Variants in EZH1 observed in about 807,000 individuals in gnomAD.
EZH1 encodes the protein histone-lysine N-methyltransferase EZH1.
Under a neutral mutation model 100.5 loss-of-function variants are expected in EZH1, and 33 were observed. The observed-to-expected ratio is 0.33, with a 90% confidence interval of 0.25 to 0.44. The LOEUF is 0.44. Ranked by LOEUF, EZH1 falls within the 20% of genes least tolerant of loss-of-function variation. The probability of loss-of-function intolerance (pLI) is 1.00; values close to 1 mark genes in which losing one functional copy is unlikely to be tolerated. For missense variants in EZH1, 475 were observed against 928.4 expected, an observed-to-expected ratio of 0.51 and a Z score of 6.35; for synonymous variants, 272 against 313.8, an observed-to-expected ratio of 0.87 and a Z score of 1.41.
intron 16 of EZH1, 98 bp downstream of exon 16, chr17:42,705,909 T>A: frequency 1.6e-6 from 2 of 1,247,678 alleles, no homozygotes; most frequent in South Asian, 3.7e-5. Context: ...CTTTCACATA[T>A]AAAGCCTCAA....
At chr17:42,716,126 A>C (rs1222730460) in intron 10 of EZH1, among the ~76,000 whole-genome samples, 1 of 152,172 alleles carries the variant, frequency 6.6e-6, no homozygotes, top group African/African-American at 2.4e-5. Context: ...AAACAAAACA[A>C]AACACAACAC....
At chr17:42,719,702 A>G (rs1242947775) in intron 7 of EZH1, among the ~76,000 whole-genome samples, 1 of 152,192 alleles carries the variant, frequency 6.6e-6, no homozygotes, top group Non-Finnish European at 1.5e-5. Flanking sequence ...GTGCCACTGC[A>G]CTCCACCTTG....
chr17:42,734,444 G>C (rs1052985953), intron 1 of EZH1, among the ~76,000 whole-genome samples: 3 of 151,618 alleles, frequency 2.0e-5, no homozygotes, highest in Admixed American at 6.6e-5. Flanking sequence ...GTTTCTCCAC[G>C]TATTTGAAAA....
chr17:42,701,237 G>C lies in EZH1; in HGVS notation c.*1295C>G, dbSNP rs1461802920. 2 of 152,752 alleles carry C rather than the reference G, an allele frequency of 1.3e-5. No individual in the cohort carries two copies. Among genetic ancestry groups the C allele is most frequent in the Non-Finnish European group, 2.9e-5 (2 of 68,024 alleles). 9.5% of individuals were successfully genotyped at this position (152,752 alleles called of 1,614,324 possible). On this transcript the variant is annotated 3_prime_UTR_variant, in exon 21 of 21. Coordinates refer to ENST00000428826, the MANE Select transcript of EZH1 (RefSeq NM_001991.5). Reference sequence around the variant, plus strand: ...CCCCCTCCCTCAGGAGTGGGATTTAGGCAGGGACCCTAGAGACCTTAGGCC... The same window carrying C: ...CCCCCTCCCTCAGGAGTGGGATTTACGCAGGGACCCTAGAGACCTTAGGCC...
intron 18 of EZH1, 148 bp from the exon 19 acceptor site, chr17:42,703,968 A>G (rs2143706098): frequency 1.5e-6 from 1 of 667,644 alleles, no homozygotes; most frequent in South Asian, 1.8e-5. Flanking sequence ...AGCAGAGGAA[A>G]GCATGCAGCC....
intron 1 of EZH1, among the ~76,000 whole-genome samples, chr17:42,740,844 C>T (rs1331208077): frequency 1.3e-5 from 2 of 152,192 alleles, no homozygotes; most frequent in African/African-American, 4.8e-5. Context: ...GAATAAAACA[C>T]ACTAAAGGTA....
chr17:42,719,793 GA>G (rs1310062135), intron 7 of EZH1, among the ~76,000 whole-genome samples: 4 of 152,084 alleles, frequency 2.6e-5, no homozygotes, highest in Non-Finnish European at 5.9e-5. Flanking sequence ...GAGGTGAAAA[GA>G]GTGTTCATAG....
rs1468125580 is a variant in EZH1, at chr17:42,701,212, C to A, written c.*1320G>T. On this transcript the variant is annotated 3_prime_UTR_variant, in exon 21 of 21. Coordinates refer to ENST00000428826, the MANE Select transcript of EZH1 (RefSeq NM_001991.5). The stretch of plus-strand genomic sequence containing the variant: ...GGAGAATCTCCCACCCTCTCTTCTT[C>A]CCCCTCCCTCAGGAGTGGGATTTAG... 2 of 152,800 alleles carry A rather than the reference C, an allele frequency of 1.3e-5. No individual in the cohort carries two copies. Among genetic ancestry groups the A allele is most frequent in the Non-Finnish European group, 2.9e-5 (2 of 68,070 alleles). 9.5% of individuals were successfully genotyped at this position (152,800 alleles called of 1,614,324 possible).
At position 42,718,644 on chromosome 17, in the gene EZH1, T is replaced by A; in HGVS notation, c.768-27A>T. The A allele has an allele frequency of 1.9e-6, 3 of 1,612,532 alleles. No homozygotes were observed. Among genetic ancestry groups the A allele is most frequent in the Non-Finnish European group, 2.5e-6 (3 of 1,178,942 alleles). Reference sequence around the variant, plus strand: ...TATTTAAGAAAAGAGAGATAAGAGTTCCTCCGAGGAACTGCCTCCACTGAG... The same window carrying A: ...TATTTAAGAAAAGAGAGATAAGAGTACCTCCGAGGAACTGCCTCCACTGAG... On this transcript the variant is annotated intron_variant, in intron 8 of 20. Coordinates refer to ENST00000428826, the MANE Select transcript of EZH1 (RefSeq NM_001991.5). The surrounding 1 kb of genome is among the most constrained non-coding windows in gnomAD (Gnocchi z 4.2).
chr17:42,733,939 C>CAA lies in EZH1; in HGVS notation c.-102-3023_-102-3022dup, dbSNP rs71157668. Among the ~76,000 whole-genome samples, 437 of 49,586 alleles carry CAA rather than the reference C, an allele frequency of 8.8e-3. 13 individuals carry two copies. The highest frequency in any genetic ancestry group is 0.017 in the African/African-American group (297 of 17,164). 32.5% of individuals were successfully genotyped at this position (49,586 alleles called of 152,430 possible). A position where few individuals can be genotyped will look rare whatever the true frequency, so the allele number is the denominator to read the frequency against. On this transcript the variant is annotated intron_variant, in intron 1 of 20. Transcript: ENST00000428826. ...CTGGTGACAGAGCGAGACTCCATCT[C>CAA]AAAAAAAAAAAAAAAAAAAAAATCA...
Position 42,718,263 on chromosome 17 carries a change from T to G in EZH1, c.931+191A>C. ...AAGAGGTACTGAGGGACAGATAAGT[T>G]GCTAGTTAGTCTGTCCCTATCATGC... On this transcript the variant is annotated intron_variant, in intron 9 of 20. Coordinates refer to ENST00000428826, the MANE Select transcript of EZH1 (RefSeq NM_001991.5). This position sits in a 1 kb window ranked among gnomAD's most constrained non-coding sequence, Gnocchi z 4.2. 1 of 845,234 alleles carries G rather than the reference T, an allele frequency of 1.2e-6. No homozygotes were observed. The highest frequency in any genetic ancestry group is 2.7e-5 in the East Asian group (1 of 37,654). 52.4% of individuals were successfully genotyped at this position (845,234 alleles called of 1,614,324 possible).
intron 11 of EZH1, 25 bp downstream of exon 11, chr17:42,713,184 A>C (rs1176123176): frequency 4.4e-6 from 7 of 1,608,148 alleles, no homozygotes; most frequent in African/African-American, 1.3e-5. Context: ...GGAAAGAAAA[A>C]GTCTTCATTT....
chr17:42,729,502 G>A (rs539612344), intron 2 of EZH1, among the ~76,000 whole-genome samples: 2 of 152,156 alleles, frequency 1.3e-5, no homozygotes, highest in Non-Finnish European at 2.9e-5. Flanking sequence ...GCCAAGGTGG[G>A]TGGATCTTCT....
At chr17:42,713,124 G>T in intron 11 of EZH1, 85 bp downstream of exon 11, 3 of 1,220,034 alleles carry the variant, frequency 2.5e-6, no homozygotes, top group Non-Finnish European at 3.5e-6. Flanking sequence ...TTAAGAGGTA[G>T]TAAAGTTAAG....
rs985136302 is a variant in EZH1, at chr17:42,701,428, C to T, written c.*1104G>A. ...TGTGCCCTGCACACGGGGTGCCAGCCTAAACGCGTGCAATTTAGCCCCTCA... is the reference window on the plus strand; with the variant it reads ...TGTGCCCTGCACACGGGGTGCCAGCTTAAACGCGTGCAATTTAGCCCCTCA... On this transcript the variant is annotated 3_prime_UTR_variant, in exon 21 of 21. Coordinates refer to ENST00000428826, the MANE Select transcript of EZH1 (RefSeq NM_001991.5). The T allele has an allele frequency of 9.8e-5, 15 of 152,882 alleles. No individual in the cohort carries two copies. Among genetic ancestry groups the T allele is most frequent in the Non-Finnish European group, 2.2e-4 (15 of 68,082 alleles). 9.5% of individuals were successfully genotyped at this position (152,882 alleles called of 1,614,324 possible). A position where few individuals can be genotyped will look rare whatever the true frequency, so the allele number is the denominator to read the frequency against.
At chr17:42,712,531 T>C (rs762704209) in intron 11 of EZH1, 46 bp from the exon 12 acceptor site, 23 of 1,555,144 alleles carry the variant, frequency 1.5e-5, no homozygotes, top group Non-Finnish European at 1.9e-5. Flanking sequence ...TAGAATGCAG[T>C]TGTCATCAGT....
At chr17:42,722,688 G>A (rs1383244698) in intron 6 of EZH1, 107 bp downstream of exon 6, 16 of 1,060,746 alleles carry the variant, frequency 1.5e-5, no homozygotes, top group South Asian at 4.6e-5. Context: ...ATTCTGCAGT[G>A]TGTACCCCAT....
rs547291103 is a variant in EZH1, at chr17:42,716,893, T to C, written c.1023+1083A>G. Among the ~76,000 whole-genome samples the C allele has an allele frequency of 2.0e-5, 3 of 152,232 alleles. No individual in the cohort carries two copies. In the South Asian group the frequency reaches 6.2e-4, roughly 32 times the overall value. Reference sequence around the variant, plus strand: ...TTGTATTTTCAGTAGAGACAGGGTTTTTCCATGTTGACCAGGCTGGTCTCA... The same window carrying C: ...TTGTATTTTCAGTAGAGACAGGGTTCTTCCATGTTGACCAGGCTGGTCTCA... On this transcript the variant is annotated intron_variant, in intron 10 of 20. Transcript: ENST00000428826.
intron 1 of EZH1, among the ~76,000 whole-genome samples, chr17:42,741,143 G>A (rs1370845284): frequency 6.6e-6 from 1 of 152,154 alleles, no homozygotes; most frequent in Non-Finnish European, 1.5e-5. Context: ...TGTAGAAATG[G>A]AATTAGTGTG....
Sources: gnomAD v4.1 joint callset for allele counts (sites outside exome capture counted in the v4.1 genomes callset) on GRCh38, gnomAD v4.1.1 for gene constraint, Gnocchi (gnomAD v3.1) non-coding constraint, MANE v1.5 for transcripts, NCBI Gene and HGNC (gene_info 2026-07-23, HGNC 2026-07-21) for gene names.